The following TMTC1 variants were observed in gnomAD, a reference collection of about 807,000 sequenced individuals.
The protein encoded by TMTC1 is protein O-mannosyl-transferase TMTC1.
A neutral mutation model predicts 104.8 loss-of-function variants in TMTC1; 73 were observed. The ratio of observed to expected loss-of-function variants is 0.70; its 90% CI spans 0.58 to 0.85. The LOEUF (loss-of-function observed/expected upper bound fraction) is 0.85. Among genes scored for constraint, TMTC1 ranks in the 40% least tolerant of loss-of-function variants. The pLI, the probability that TMTC1 is intolerant of heterozygous loss-of-function variation, is 0.00. For synonymous variants in TMTC1, 434 were observed against 428.7 expected (o/e 1.01, Z -0.15); for missense variants, 1,035 against 1,096.1 (o/e 0.94, Z 0.79).
chr12:29,673,088 T>C (rs555918610), intron 5 of TMTC1, among the ~76,000 whole-genome samples: 1 of 152,328 alleles, frequency 6.6e-6, no homozygotes, highest in South Asian at 2.1e-4. Flanking sequence ...CACTTTCTTA[T>C]AAAAATCTTA....
At chr12:29,535,110 CA>C (rs569208587) in intron 11 of TMTC1, 151 of 152,424 alleles carry the variant, frequency 9.9e-4, no homozygotes, top group African/African-American at 3.4e-3. Flanking sequence ...CTGTCAGAGG[CA>C]GGGGGAGGGG....
intron 5 of TMTC1, among the ~76,000 whole-genome samples, chr12:29,725,752 A>G (rs1942371268): frequency 6.6e-6 from 1 of 152,222 alleles, no homozygotes; most frequent in Admixed American, 6.5e-5. Flanking sequence ...CTATTTCACA[A>G]TGGTCTATCA....
chr12:29,517,163 T>A (rs980174043), intron 14 of TMTC1, among the ~76,000 whole-genome samples: 2 of 152,318 alleles, frequency 1.3e-5, no homozygotes, highest in African/African-American at 4.8e-5. Context: ...ATGTTACAAA[T>A]CATTGGAGCT....
At chr12:29,604,760 A>G (rs1333057721) in intron 6 of TMTC1, among the ~76,000 whole-genome samples, 1 of 152,236 alleles carries the variant, frequency 6.6e-6, no homozygotes, top group Admixed American at 6.5e-5. Context: ...CAGGAGAAGC[A>G]AAGTTTAACA....
At chr12:29,708,971 G>A (rs1941827203) in intron 5 of TMTC1, among the ~76,000 whole-genome samples, 1 of 152,120 alleles carries the variant, frequency 6.6e-6, no homozygotes, top group African/African-American at 2.4e-5. Context: ...GTTTTGTCAA[G>A]AGAATATCCT....
chr12:29,583,776 T>C (rs911207360), intron 7 of TMTC1, among the ~76,000 whole-genome samples: 3 of 152,198 alleles, frequency 2.0e-5, no homozygotes, highest in Non-Finnish European at 4.4e-5. Flanking sequence ...TGTAGAAATA[T>C]TTCTTGCTAT....
At chr12:29,781,651 C>T (rs1014403963) in intron 1 of TMTC1, among the ~76,000 whole-genome samples, 6 of 152,116 alleles carry the variant, frequency 3.9e-5, no homozygotes, top group Non-Finnish European at 5.9e-5. Flanking sequence ...CATAGGAAGA[C>T]CCCATATCTA....
intron 4 of TMTC1, among the ~76,000 whole-genome samples, chr12:29,753,185 T>C (rs1943133203): frequency 6.6e-6 from 1 of 152,238 alleles, no homozygotes; most frequent in Non-Finnish European, 1.5e-5. Flanking sequence ...ATGTTTATTC[T>C]AAATTAGCAG....
intron 5 of TMTC1, among the ~76,000 whole-genome samples, chr12:29,696,533 T>C (rs1487179157): frequency 2.0e-5 from 3 of 152,208 alleles, no homozygotes; most frequent in Non-Finnish European, 4.4e-5. Context: ...AAATGAAATC[T>C]TTTGCTCTGG....
chr12:29,610,777 T>C (rs1001283543), intron 6 of TMTC1, among the ~76,000 whole-genome samples: 1 of 152,196 alleles, frequency 6.6e-6, no homozygotes, highest in Non-Finnish European at 1.5e-5. Flanking sequence ...TACATTTTTT[T>C]CCTCTTGTCT....
At chr12:29,648,112 G>A (rs1939351635) in intron 5 of TMTC1, among the ~76,000 whole-genome samples, 1 of 152,178 alleles carries the variant, frequency 6.6e-6, no homozygotes, top group African/African-American at 2.4e-5. Flanking sequence ...GAGCAAATCT[G>A]GAAGCAAATG....
chr12:29,761,553 C>A (rs1943348330), intron 2 of TMTC1, among the ~76,000 whole-genome samples: 2 of 148,094 alleles, frequency 1.4e-5, no homozygotes, highest in South Asian at 2.2e-4. Flanking sequence ...AATCTTCACA[C>A]TATTTTGCTA....
chr12:29,648,889 G>A (rs184082431), intron 5 of TMTC1, among the ~76,000 whole-genome samples: 4 of 151,636 alleles, frequency 2.6e-5, no homozygotes, highest in Middle Eastern at 3.4e-3. Context: ...TTCTAAATGC[G>A]GTGTGCCTTT....
chr12:29,517,912 A>C (rs113812065), intron 13 of TMTC1, among the ~76,000 whole-genome samples: 1,752 of 152,160 alleles, frequency 0.012, 31 homozygotes, highest in African/African-American at 0.038. Context: ...ACGAGGTTTC[A>C]CCATGTTGGC....
At chr12:29,533,554 C>G (rs113023164) in intron 11 of TMTC1, 73 of 152,276 alleles carry the variant, frequency 4.8e-4, no homozygotes, top group African/African-American at 1.5e-3. Flanking sequence ...TATAATTCAA[C>G]AAATTAACGA....
At chr12:29,563,420 G>A (rs933431703) in intron 9 of TMTC1, among the ~76,000 whole-genome samples, 2 of 152,118 alleles carry the variant, frequency 1.3e-5, no homozygotes, top group Middle Eastern at 3.2e-3. Flanking sequence ...AGACAATGGT[G>A]GGCAGGAAAA....
chr12:29,753,441 A>G (rs1485855755), intron 4 of TMTC1, among the ~76,000 whole-genome samples: 2 of 152,170 alleles, frequency 1.3e-5, no homozygotes, highest in Non-Finnish European at 2.9e-5. Flanking sequence ...GTGAATCTGG[A>G]GCCACGCGGA....
chr12:29,726,606 G>A (rs1942398695), intron 5 of TMTC1, among the ~76,000 whole-genome samples: 1 of 152,086 alleles, frequency 6.6e-6, no homozygotes, highest in Non-Finnish European at 1.5e-5. Flanking sequence ...CAGTTGTTTG[G>A]GAATTAGATC....
intron 5 of TMTC1, among the ~76,000 whole-genome samples, chr12:29,667,267 T>C (rs891306542): frequency 2.0e-5 from 3 of 152,184 alleles, no homozygotes; most frequent in South Asian, 2.1e-4. Flanking sequence ...TCCTTTGATA[T>C]TCAAATAAAG....
Sources: allele counts gnomAD v4.1 joint callset (sites outside exome capture counted in the v4.1 genomes callset), GRCh38; gene constraint gnomAD v4.1.1; transcripts MANE v1.5; gene names NCBI Gene and HGNC (gene_info 2026-07-23, HGNC 2026-07-21).